IKZF2: variants seen among roughly 807,000 people sequenced by gnomAD.
IKZF2 encodes the protein IKAROS family zinc finger 2.
A neutral mutation model predicts 49.2 loss-of-function variants in IKZF2; 15 were observed. That is an observed-to-expected ratio of 0.30 (90% CI 0.20 to 0.47). IKZF2 has a LOEUF of 0.47. IKZF2 is among the 20% of genes least tolerant of loss of function. The pLI, the probability that IKZF2 is intolerant of heterozygous loss-of-function variation, is 1.00. For synonymous variants in IKZF2, 227 were observed against 221.4 expected, an observed-to-expected ratio of 1.03 and a Z score of -0.23; for missense variants, 567 against 664.6, an observed-to-expected ratio of 0.85 and a Z score of 1.61.
intron 4 of IKZF2, among the ~76,000 whole-genome samples, chr2:213,118,664 T>C (rs1026603842): frequency 6.6e-6 from 1 of 152,198 alleles, no homozygotes; most frequent in Non-Finnish European, 1.5e-5. Flanking sequence ...CACTTTCAGA[T>C]TCTAATATTC....
intron 7 of IKZF2, among the ~76,000 whole-genome samples, chr2:213,015,648 T>C (rs1696500700): frequency 6.6e-6 from 1 of 151,956 alleles, no homozygotes; most frequent in South Asian, 2.1e-4. Flanking sequence ...CTTAACTTTT[T>C]GTTTGGATGA....
chr2:213,104,235 A>T, intron 4 of IKZF2, among the ~76,000 whole-genome samples: 1 of 151,004 alleles, frequency 6.6e-6, no homozygotes, highest in Non-Finnish European at 1.5e-5. Flanking sequence ...TTAGTGTGTA[A>T]TCTCTCTACC....
At chr2:213,109,206 T>A (rs2059625012) in intron 4 of IKZF2, among the ~76,000 whole-genome samples, 1 of 152,142 alleles carries the variant, frequency 6.6e-6, no homozygotes, top group Non-Finnish European at 1.5e-5. Context: ...CACTTGACCC[T>A]ACCAAATTCT....
Position 213,057,018 on chromosome 2 carries a change from T to A in IKZF2, c.221A>T (p.His74Leu), listed in dbSNP as rs147806610. Residue 74 changes from histidine (H) to leucine (L), a missense_variant, in exon 5 of 9, where the codon CAT becomes CTT. Around this residue, in one of 5 missense-constraint regions of IKZF2, gnomAD observed 156 missense variants for 138.5 expected, o/e 1.13. Coordinates refer to ENST00000434687, the MANE Select transcript of IKZF2 (RefSeq NM_001387220.1). The part of the protein sequence containing the change: ...PLSREDEIRG[H>L]DEGSSLEEPL... Reference sequence around the variant, plus strand: ...TTCTTCTAGGCTGCTACCCTCATCATGGCCCCTGATCTCATCTTCACGGCT... The same window carrying A: ...TTCTTCTAGGCTGCTACCCTCATCAAGGCCCCTGATCTCATCTTCACGGCT... The A allele has an allele frequency of 2.2e-5, 35 of 1,613,920 alleles. No homozygotes were observed. In the African/African-American group the frequency reaches 3.1e-4, roughly 14 times the overall value.
At position 213,007,859 on chromosome 2, in the gene IKZF2, G is replaced by C; in HGVS notation, c.1082C>G (p.Pro361Arg). 6.2e-7 allele frequency: 1 copy of C among 1,613,496 alleles called. No homozygotes were observed. The highest frequency in any genetic ancestry group is 8.5e-7 in the Non-Finnish European group (1 of 1,179,718). Residue 361 changes from proline (P) to arginine (R), a missense_variant, in exon 9 of 9, where the codon CCA becomes CGA. Pro to Arg is a moderately radical substitution (Grantham distance 103, BLOSUM62 -2). Transcript: ENST00000434687. The part of the protein sequence containing the change: ...ISSAYSQVYH[P>R]NRIERPISRE... Reference sequence around the variant, plus strand: ...GCTAATGGGTCTTTCTATCCTATTTGGATGATAGACCTGAGAATAAGCTGA... The same window carrying C: ...GCTAATGGGTCTTTCTATCCTATTTCGATGATAGACCTGAGAATAAGCTGA...
chr2:213,023,683 G>A (rs560369988), intron 6 of IKZF2, among the ~76,000 whole-genome samples: 40 of 152,138 alleles, frequency 2.6e-4, no homozygotes, highest in Non-Finnish European at 5.6e-4. Flanking sequence ...GCATTACTCA[G>A]TTTTGGGTTC....
At chr2:213,106,865 G>A (rs904652813) in intron 4 of IKZF2, among the ~76,000 whole-genome samples, 12 of 151,976 alleles carry the variant, frequency 7.9e-5, no homozygotes, top group Admixed American at 1.3e-4. Context: ...GTAATCTTGA[G>A]CAAAGGTACC....
chr2:213,065,152 C>T (rs1309265263), intron 4 of IKZF2, among the ~76,000 whole-genome samples: 2 of 151,996 alleles, frequency 1.3e-5, no homozygotes, highest in Non-Finnish European at 2.9e-5. Context: ...CAAGCACCTG[C>T]TTTTATTTTC....
chr2:213,002,710 T>A lies in IKZF2; in HGVS notation c.*4650A>T. Reference sequence around the variant, plus strand: ...TGTTCAAGGAGAATTAATTACCTGCTTTTTCACATTATTCCATCAATTTTC... The same window carrying A: ...TGTTCAAGGAGAATTAATTACCTGCATTTTCACATTATTCCATCAATTTTC... On this transcript the variant is annotated 3_prime_UTR_variant, in exon 9 of 9. Coordinates refer to ENST00000434687, the MANE Select transcript of IKZF2 (RefSeq NM_001387220.1). The A allele has an allele frequency of 6.6e-6, 1 of 152,070 alleles. No homozygotes were observed. The highest frequency in any genetic ancestry group is 1.9e-4 in the East Asian group (1 of 5,164). The allele number at this position is 152,070 out of a possible 1,614,324, so 9.4% of individuals were successfully genotyped here. A position where few individuals can be genotyped will look rare whatever the true frequency, so the allele number is the denominator to read the frequency against.
At chr2:213,040,011 C>T (rs1300245771) in intron 6 of IKZF2, among the ~76,000 whole-genome samples, 3 of 151,942 alleles carry the variant, frequency 2.0e-5, no homozygotes. Context: ...GAATAAATGT[C>T]TTTGGGAAAT....
intron 6 of IKZF2, among the ~76,000 whole-genome samples, chr2:213,030,900 A>C (rs1698356711): frequency 6.7e-6 from 1 of 149,234 alleles, no homozygotes; most frequent in South Asian, 2.1e-4. Flanking sequence ...ACCTCGGATC[A>C]CTGCAACCTC....
intron 4 of IKZF2, among the ~76,000 whole-genome samples, chr2:213,114,723 A>G (rs2059814419): frequency 1.3e-5 from 2 of 152,060 alleles, no homozygotes; most frequent in African/African-American, 4.8e-5. Context: ...CACGAGGTCA[A>G]GAGATCGAGA....
At chr2:213,103,832 T>C (rs923723572) in intron 4 of IKZF2, among the ~76,000 whole-genome samples, 18 of 152,128 alleles carry the variant, frequency 1.2e-4, no homozygotes, top group Admixed American at 8.5e-4. Context: ...ACCATAAAAT[T>C]CCTTAGTTAC....
chr2:213,124,687 T>A (rs2060200011), intron 4 of IKZF2, among the ~76,000 whole-genome samples: 1 of 152,358 alleles, frequency 6.6e-6, no homozygotes, highest in East Asian at 1.9e-4. Context: ...AGTATACAAC[T>A]TATTTCCTGA....
At chr2:213,011,374 G>C (rs1695933639) in intron 8 of IKZF2, among the ~76,000 whole-genome samples, 1 of 151,886 alleles carries the variant, frequency 6.6e-6, no homozygotes, top group Admixed American at 6.6e-5. Context: ...AAAAATGTAA[G>C]TGAGAAAGAG....
intron 4 of IKZF2, among the ~76,000 whole-genome samples, chr2:213,125,449 T>C (rs73077294): frequency 0.013 from 2,013 of 152,264 alleles, 41 homozygotes; most frequent in African/African-American, 0.046. Flanking sequence ...CAAACATACG[T>C]AGATACCATC....
At chr2:213,120,730 T>A (rs2060026191) in intron 4 of IKZF2, among the ~76,000 whole-genome samples, 1 of 152,168 alleles carries the variant, frequency 6.6e-6, no homozygotes, top group South Asian at 2.1e-4. Flanking sequence ...AAGAAATCAC[T>A]TTATCCTGCA....
At position 213,031,263 on chromosome 2, in the gene IKZF2, C is replaced by T. The variant is rs539306721; in HGVS notation, c.575-9133G>A. Among the ~76,000 whole-genome samples the T allele has an allele frequency of 7.2e-5, 11 of 152,286 alleles. No individual in the cohort carries two copies. The South Asian group carries it at 1.2e-3, about 17-fold the overall frequency. On this transcript the variant is annotated intron_variant, in intron 6 of 8. Transcript: ENST00000434687. ...TAGGTGCTGTAGATACAGCACTGAA[C>T]GAGACAAATGTCATTCCTGCATCCA...
At chr2:213,089,764 T>C (rs1284549715) in intron 4 of IKZF2, among the ~76,000 whole-genome samples, 2 of 151,796 alleles carry the variant, frequency 1.3e-5, no homozygotes, top group Non-Finnish European at 2.9e-5. Context: ...GGGAGAAGGG[T>C]TAGTAAAAGG....
Sources: gnomAD v4.1 joint callset for allele counts (sites outside exome capture counted in the v4.1 genomes callset) on GRCh38, gnomAD v4.1.1 for gene constraint, gnomAD v4.1.1 regional missense constraint, MANE v1.5 for transcripts, NCBI Gene and HGNC (gene_info 2026-07-23, HGNC 2026-07-21) for gene names.